The following COP1 variants were observed in gnomAD, a reference collection of about 807,000 sequenced individuals.
The protein encoded by COP1 is COP1 E3 ubiquitin ligase.
Under a neutral mutation model 101.3 loss-of-function variants are expected in COP1, and 24 were observed. That is an observed-to-expected ratio of 0.24 (90% CI 0.17 to 0.33). The LOEUF (loss-of-function observed/expected upper bound fraction) is 0.33, where lower values mean the gene tolerates loss of function less well. Among genes scored for constraint, COP1 ranks in the 10% least tolerant of loss-of-function variants. COP1 has a pLI of 1.00. For synonymous variants in COP1, 347 were observed against 341.9 expected (o/e 1.01, Z -0.17); for missense variants, 663 against 906.2 (o/e 0.73, Z 3.45).
intron 2 of COP1, among the ~76,000 whole-genome samples, chr1:176,181,427 C>CAAAA (rs35756525): frequency 2.7e-5 from 4 of 147,064 alleles, no homozygotes; most frequent in African/African-American, 1.0e-4. Flanking sequence ...AACAAAACTG[C>CAAAA]AAAAAAAAAA....
At chr1:175,959,459 G>A (rs554911365) in intron 18 of COP1, among the ~76,000 whole-genome samples, 6 of 151,740 alleles carry the variant, frequency 4.0e-5, no homozygotes, top group East Asian at 1.9e-4. Context: ...ATCAAAATAC[G>A]GCAAATGAAT....
rs146282869 is a variant in COP1 at position 175,956,494 on chromosome 1, G to GA, written c.2134-9256dup. On this transcript the variant is annotated intron_variant, in intron 18 of 19. Transcript: ENST00000367669. The stretch of plus-strand genomic sequence containing the variant: ...GATGCAAAAAACATGTACAATAAAG[G>GA]AAAAAAAAAACCCTGATAAATTGGA... 1.6e-3 allele frequency among the ~76,000 whole-genome samples: 224 copies of GA among 144,374 alleles called. 2 individuals carry two copies. In the East Asian group the frequency reaches 0.031, roughly 20 times the overall value. The allele number at this position is 144,374 out of a possible 152,430, so 94.7% of individuals were successfully genotyped here. A position where few individuals can be genotyped will look rare whatever the true frequency, so the allele number is the denominator to read the frequency against.
intron 18 of COP1, among the ~76,000 whole-genome samples, chr1:175,947,995 ACATTTGGT>A (rs1649401011): frequency 6.6e-6 from 1 of 152,250 alleles, no homozygotes; most frequent in Non-Finnish European, 1.5e-5. Context: ...CTATGGATGG[ACATTTGGT>A]ATTAGGAAAA....
rs376924451 is a variant in COP1, at chr1:176,004,168, G to A, written c.1730-14689C>T. ...CTCTCTGTTTGTCTGTTGTTGGTGT[G>A]TAAGAATGCTTGTGATTTTTGTACA... On this transcript the variant is annotated intron_variant, in intron 15 of 19. Transcript: ENST00000367669. 6.4e-4 allele frequency among the ~76,000 whole-genome samples: 96 copies of A among 150,970 alleles called. 1 individual carries two copies. The highest frequency in any genetic ancestry group is 1.9e-3 in the African/African-American group (78 of 40,830).
At chr1:176,012,911 C>T (rs1004370048) in intron 15 of COP1, among the ~76,000 whole-genome samples, 1 of 152,126 alleles carries the variant, frequency 6.6e-6, no homozygotes, top group Non-Finnish European at 1.5e-5. Context: ...GAATGCATCC[C>T]CATCCTTGAG....
intron 15 of COP1, among the ~76,000 whole-genome samples, chr1:175,994,816 G>C (rs1313585297): frequency 2.0e-5 from 3 of 152,246 alleles, no homozygotes; most frequent in African/African-American, 4.8e-5. Context: ...ACACGCCACT[G>C]TCAACATTAG....
At chr1:176,181,746 C>T (rs1212217884) in intron 2 of COP1, among the ~76,000 whole-genome samples, 1 of 151,872 alleles carries the variant, frequency 6.6e-6, no homozygotes, top group Admixed American at 6.6e-5. Context: ...GAGGCTGAGG[C>T]AGGAGAATCG....
At chr1:175,953,001 T>G (rs186529616) in intron 18 of COP1, among the ~76,000 whole-genome samples, 101 of 152,296 alleles carry the variant, frequency 6.6e-4, no homozygotes, top group African/African-American at 2.3e-3. Context: ...GTTTTTAAGT[T>G]TTTTTAAAAG....
intron 18 of COP1, among the ~76,000 whole-genome samples, chr1:175,966,676 A>G (rs1652088735): frequency 2.0e-5 from 3 of 152,370 alleles, no homozygotes; most frequent in African/African-American, 7.2e-5. Context: ...GTCACTGACT[A>G]TGTACAAGAG....
At chr1:176,083,588 A>G (rs1043332686) in intron 10 of COP1, among the ~76,000 whole-genome samples, 1 of 152,182 alleles carries the variant, frequency 6.6e-6, no homozygotes, top group African/African-American at 2.4e-5. Flanking sequence ...AGTGTATTCA[A>G]TGTCTCTTTT....
At chr1:176,116,818 T>C (rs921059721) in intron 8 of COP1, 137 bp from the exon 9 acceptor site, 2 of 646,506 alleles carry the variant, frequency 3.1e-6, no homozygotes, top group African/African-American at 1.9e-5. Flanking sequence ...TGCCAATCAT[T>C]AGACATCAAA....
At chr1:176,079,357 C>A (rs577152686) in intron 11 of COP1, among the ~76,000 whole-genome samples, 1 of 152,192 alleles carries the variant, frequency 6.6e-6, no homozygotes, top group South Asian at 2.1e-4. Context: ...AGGCCATTAT[C>A]CTAAGTGAAT....
chr1:175,951,011 C>A (rs1649821119), intron 18 of COP1, among the ~76,000 whole-genome samples: 1 of 152,050 alleles, frequency 6.6e-6, no homozygotes. Flanking sequence ...TTTGGGAGGC[C>A]AAGGCAGGCG....
chr1:176,197,372 T>C (rs1021447597), intron 1 of COP1, among the ~76,000 whole-genome samples: 3 of 152,186 alleles, frequency 2.0e-5, no homozygotes, highest in African/African-American at 7.2e-5. Context: ...AGTGTGATGG[T>C]GCCACTGTAC....
intron 11 of COP1, among the ~76,000 whole-genome samples, chr1:176,053,393 T>C (rs1381694685): frequency 6.6e-6 from 1 of 152,230 alleles, no homozygotes; most frequent in African/African-American, 2.4e-5. Flanking sequence ...GTGTCCTTGA[T>C]GCTCCTCTAC....
At chr1:176,031,362 A>C (rs1668625140) in intron 14 of COP1, among the ~76,000 whole-genome samples, 1 of 152,214 alleles carries the variant, frequency 6.6e-6, no homozygotes. Flanking sequence ...AGCCAAATAT[A>C]AATGAGGCGA....
intron 8 of COP1, 146 bp downstream of exon 8, chr1:176,134,864 G>T: frequency 1.9e-6 from 1 of 515,710 alleles, no homozygotes; most frequent in South Asian, 3.8e-5. Flanking sequence ...GGAAACAGAT[G>T]GGCCATATGA....
chr1:176,169,018 A>AT (rs1184960409), intron 3 of COP1, among the ~76,000 whole-genome samples: 1 of 152,180 alleles, frequency 6.6e-6, no homozygotes, highest in Non-Finnish European at 1.5e-5. Context: ...GGCATCTAAA[A>AT]TTTTTTGTGT....
At chr1:176,004,714 G>C (rs1474874999) in intron 15 of COP1, among the ~76,000 whole-genome samples, 1 of 149,006 alleles carries the variant, frequency 6.7e-6, no homozygotes, top group Non-Finnish European at 1.5e-5. Flanking sequence ...ACTTGATCAT[G>C]GTGGATAAGC....
Sources: gnomAD v4.1 joint callset for allele counts (sites outside exome capture counted in the v4.1 genomes callset) on GRCh38, gnomAD v4.1.1 for gene constraint, MANE v1.5 for transcripts, NCBI Gene and HGNC (gene_info 2026-07-23, HGNC 2026-07-21) for gene names.